KDM4C: variants seen among roughly 807,000 people sequenced by gnomAD.
The protein encoded by KDM4C is lysine-specific demethylase 4C.
In KDM4C, 81 loss-of-function variants were observed where a neutral mutation model predicts 129.3. The observed-to-expected ratio is 0.63, with a 90% CI of 0.52 to 0.75. KDM4C has a LOEUF of 0.75. Ranked by LOEUF, KDM4C falls within the 30% of genes least tolerant of loss-of-function variation. The probability of loss-of-function intolerance (pLI) is 0.00; values close to 1 mark genes in which losing one functional copy is unlikely to be tolerated. For synonymous variants in KDM4C, 573 were observed against 456.1 expected (o/e 1.26, Z -3.26); for missense variants, 1,457 against 1,304.0 (o/e 1.12, Z -1.81).
intron 2 of KDM4C, among the ~76,000 whole-genome samples, chr9:6,803,198 C>T (rs115734182): frequency 1.7e-3 from 264 of 152,158 alleles, no homozygotes; most frequent in African/African-American, 6.1e-3. Context: ...TTGGTGTTTG[C>T]TTTGTAATAA....
At chr9:7,087,663 A>AAT (rs1835291572) in intron 17 of KDM4C, among the ~76,000 whole-genome samples, 1 of 152,202 alleles carries the variant, frequency 6.6e-6, no homozygotes, top group Non-Finnish European at 1.5e-5. Context: ...GGGAAAGTGG[A>AAT]ATAGGAGTAA....
chr9:6,721,100 C>A, intron 1 of KDM4C: 2 of 1,135,610 alleles, frequency 1.8e-6, no homozygotes, highest in African/African-American at 1.5e-5. Flanking sequence ...TTTTTAGAAT[C>A]AAGGTCTCTG....
intron 4 of KDM4C, among the ~76,000 whole-genome samples, chr9:6,841,669 C>G (rs1836939282): frequency 6.6e-6 from 1 of 152,164 alleles, no homozygotes; most frequent in African/African-American, 2.4e-5. Flanking sequence ...TCCAGGGCTG[C>G]TTCCACAGTC....
intron 21 of KDM4C, chr9:7,170,358 G>A: frequency 9.9e-7 from 1 of 1,012,398 alleles, no homozygotes; most frequent in Non-Finnish European, 1.2e-6. Context: ...TGATGTTTGT[G>A]TCAGTTCATC....
intron 12 of KDM4C, among the ~76,000 whole-genome samples, chr9:7,008,481 A>G (rs1822088806): frequency 6.6e-6 from 1 of 152,162 alleles, no homozygotes; most frequent in Admixed American, 6.5e-5. Flanking sequence ...CCCAGGCTCC[A>G]AGCTGGTCCC....
Position 7,049,191 on chromosome 9 carries a change from G to A in KDM4C, c.2415G>A (p.Arg805=). The A allele has an allele frequency of 6.4e-7, 1 of 1,571,954 alleles. No homozygotes were observed. Among genetic ancestry groups the A allele is most frequent in the Non-Finnish European group, 8.7e-7 (1 of 1,145,466 alleles). Residue 805 remains arginine, a synonymous_variant, in exon 17 of 22, where the codon AGG becomes AGA. Transcript: ENST00000381309. ...ATGTAGGCAGAATACCTTTACAGAG[G>A]TTAAAATTGGTGAGTGGCAAAGCTT... The part of the protein sequence containing the change: ...QIDVGRIPLQ[R]LKLKCIFCRH...
At chr9:7,050,110 A>G (rs896414312) in intron 17 of KDM4C, among the ~76,000 whole-genome samples, 1 of 151,990 alleles carries the variant, frequency 6.6e-6, no homozygotes, top group Non-Finnish European at 1.5e-5. Flanking sequence ...GCTCTCTTAT[A>G]GGAACTCACA....
chr9:7,115,148 T>G (rs190376936), intron 18 of KDM4C, among the ~76,000 whole-genome samples: 1 of 152,210 alleles, frequency 6.6e-6, no homozygotes, highest in African/African-American at 2.4e-5. Context: ...CTTGACAACT[T>G]CAAGGGCCAA....
chr9:6,872,035 T>G (rs1842884030), intron 5 of KDM4C, among the ~76,000 whole-genome samples: 1 of 152,140 alleles, frequency 6.6e-6, no homozygotes. Context: ...AGAGGTGAAT[T>G]GAAACACGGA....
At position 6,920,408 on chromosome 9, in the gene KDM4C, A is replaced by G. The variant is rs114510330; in HGVS notation, c.921+27176A>G. On this transcript the variant is annotated intron_variant, in intron 8 of 21. Transcript: ENST00000381309. The stretch of plus-strand genomic sequence containing the variant: ...AAGACCCCATCTCTACTAAACTACA[A>G]AAAAATTAGCTGGGCTTGGTGGTGG... Among the ~76,000 whole-genome samples, 164 of 152,244 alleles carry G rather than the reference A, an allele frequency of 1.1e-3. 1 individual carries two copies. Among genetic ancestry groups the G allele is most frequent in the African/African-American group, 3.3e-3 (136 of 41,548 alleles).
chr9:6,908,100 A>G (rs1818649292), intron 8 of KDM4C, among the ~76,000 whole-genome samples: 1 of 152,188 alleles, frequency 6.6e-6, no homozygotes, highest in Non-Finnish European at 1.5e-5. Context: ...TATGTTTTAT[A>G]TTGAAGAGAA....
chr9:6,986,856 A>C (rs779399065), intron 11 of KDM4C, 190 bp downstream of exon 11: 16 of 507,042 alleles, frequency 3.2e-5, no homozygotes, highest in Non-Finnish European at 4.8e-5. Flanking sequence ...CATAGTGATA[A>C]TTTAGCACAT....
intron 17 of KDM4C, among the ~76,000 whole-genome samples, chr9:7,078,838 G>A (rs2132911709): frequency 6.6e-6 from 1 of 152,302 alleles, no homozygotes; most frequent in African/African-American, 2.4e-5. Context: ...GCAACCCCAT[G>A]ATTGGATGAT....
intron 18 of KDM4C, among the ~76,000 whole-genome samples, chr9:7,124,393 C>T (rs1415260712): frequency 2.0e-5 from 3 of 152,212 alleles, no homozygotes; most frequent in Non-Finnish European, 4.4e-5. Context: ...CCCTAATCCA[C>T]ATCACTCAGG....
Position 7,118,428 on chromosome 9 carries a change from C to T in KDM4C, c.2611-9638C>T, listed in dbSNP as rs1295762143. 2.6e-5 allele frequency among the ~76,000 whole-genome samples: 4 copies of T among 152,268 alleles called. No individual in the cohort carries two copies. In the East Asian group the frequency reaches 5.8e-4, roughly 22 times the overall value. On this transcript the variant is annotated intron_variant, in intron 18 of 21. Transcript: ENST00000381309. ...ATTTTTACCTAGCTCTTGTAATTTA[C>T]AAAGAAAGCTTTCACTATGACAAGG...
chr9:6,724,376 C>T (rs1817055999), intron 1 of KDM4C, among the ~76,000 whole-genome samples: 1 of 152,080 alleles, frequency 6.6e-6, no homozygotes, highest in African/African-American at 2.4e-5. Context: ...ACAAAGAAAG[C>T]ATCAGCAGGT....
intron 8 of KDM4C, among the ~76,000 whole-genome samples, chr9:6,921,398 C>G (rs924850777): frequency 6.6e-6 from 1 of 152,202 alleles, no homozygotes; most frequent in Non-Finnish European, 1.5e-5. Context: ...ACTTCTCCAC[C>G]TCATTTAGTG....
At chr9:6,787,110 G>A (rs1045903235) in intron 1 of KDM4C, among the ~76,000 whole-genome samples, 1 of 152,168 alleles carries the variant, frequency 6.6e-6, no homozygotes, top group Admixed American at 6.5e-5. Context: ...GCTAGAAACT[G>A]GCAGAGTATA....
At chr9:6,872,215 G>A (rs1419144988) in intron 5 of KDM4C, among the ~76,000 whole-genome samples, 2 of 152,186 alleles carry the variant, frequency 1.3e-5, no homozygotes, top group Non-Finnish European at 2.9e-5. Flanking sequence ...CTGTAATAGT[G>A]ACAATAGTCT....
Sources: gnomAD v4.1 joint callset for allele counts (sites outside exome capture counted in the v4.1 genomes callset) on GRCh38, gnomAD v4.1.1 for gene constraint, MANE v1.5 for transcripts, NCBI Gene and HGNC (gene_info 2026-07-23, HGNC 2026-07-21) for gene names.